Variants in NAALADL2 observed in about 807,000 individuals in gnomAD.
NAALADL2 encodes the protein N-acetylated alpha-linked acidic dipeptidase like 2.
Under a neutral mutation model 87.2 loss-of-function variants are expected in NAALADL2, and 76 were observed. The ratio of observed to expected loss-of-function variants is 0.87; its 90% CI spans 0.72 to 1.05. NAALADL2 has a LOEUF of 1.05. Ranked by LOEUF, NAALADL2 falls within the 50% of genes least tolerant of loss-of-function variation. The probability of loss-of-function intolerance (pLI) is 0.00; values close to 1 mark genes in which losing one functional copy is unlikely to be tolerated. For missense variants in NAALADL2, 1,089 were observed against 945.8 expected (o/e 1.15, Z -1.99); for synonymous variants, 354 against 331.0 (o/e 1.07, Z -0.75).
chr3:175,272,865 C>A (rs1414372452), intron 4 of NAALADL2, among the ~76,000 whole-genome samples: 3 of 151,840 alleles, frequency 2.0e-5, no homozygotes, highest in Non-Finnish European at 4.4e-5. Context: ...TAAGTATAAC[C>A]TTTTCTAATA....
At chr3:175,588,534 CTT>C (rs1168817019) in intron 10 of NAALADL2, among the ~76,000 whole-genome samples, 2,450 of 78,044 alleles carry the variant, frequency 0.031, 55 homozygotes, top group African/African-American at 0.12. Context: ...TCTTTCTTTT[CTT>C]TTTTTTTTTT....
At chr3:175,210,929 T>A (rs1013858224) in intron 2 of NAALADL2, among the ~76,000 whole-genome samples, 11 of 151,838 alleles carry the variant, frequency 7.2e-5, no homozygotes, top group Admixed American at 1.3e-4. Context: ...TAATTGACAT[T>A]TTTCATACTT....
intron 1 of NAALADL2, among the ~76,000 whole-genome samples, chr3:174,996,813 A>C (rs1747526408): frequency 6.6e-6 from 1 of 151,992 alleles, no homozygotes; most frequent in African/African-American, 2.4e-5. Context: ...CCAAGTCCCC[A>C]AAGTTTATTA....
chr3:174,534,748 C>T (rs968676254), intron 1 of NAALADL2, among the ~76,000 whole-genome samples: 5 of 152,096 alleles, frequency 3.3e-5, no homozygotes, highest in African/African-American at 1.2e-4. Context: ...TAAACCTGTG[C>T]ATACAGTCAC....
intron 2 of NAALADL2, among the ~76,000 whole-genome samples, chr3:174,647,775 T>A (rs1269875752): frequency 1.3e-5 from 2 of 152,210 alleles, no homozygotes; most frequent in Admixed American, 1.3e-4. Context: ...CTTGATTGAC[T>A]GTTTCTTCTT....
intron 3 of NAALADL2, among the ~76,000 whole-genome samples, chr3:174,823,712 G>A (rs6809335): frequency 0.99 from 151,324 of 152,300 alleles, 75,177 homozygotes; most frequent in East Asian, 1. Flanking sequence ...ATATTAGTTT[G>A]GAATCTGCTT....
At chr3:175,549,419 T>G (rs898102201) in intron 9 of NAALADL2, among the ~76,000 whole-genome samples, 3 of 151,992 alleles carry the variant, frequency 2.0e-5, no homozygotes, top group African/African-American at 7.2e-5. Flanking sequence ...AAATACTCTA[T>G]TATTTTGGTC....
At chr3:174,727,095 T>C (rs1166252411) in intron 2 of NAALADL2, among the ~76,000 whole-genome samples, 1 of 152,102 alleles carries the variant, frequency 6.6e-6, no homozygotes, top group Non-Finnish European at 1.5e-5. Context: ...TCTTAATTTT[T>C]ATTTGAATAT....
intron 2 of NAALADL2, among the ~76,000 whole-genome samples, chr3:175,105,444 A>C (rs1369149519): frequency 6.6e-6 from 1 of 151,612 alleles, no homozygotes; most frequent in Non-Finnish European, 1.5e-5. Context: ...TTGAAATTTT[A>C]ATCATACATA....
At chr3:174,950,769 A>G (rs1031871997) in intron 1 of NAALADL2, among the ~76,000 whole-genome samples, 2 of 152,190 alleles carry the variant, frequency 1.3e-5, no homozygotes, top group Non-Finnish European at 2.9e-5. Flanking sequence ...ACTTAGCATC[A>G]TAAAAGTAGC....
intron 1 of NAALADL2, among the ~76,000 whole-genome samples, chr3:174,452,861 A>C (rs1269544837): frequency 6.6e-6 from 1 of 152,180 alleles, no homozygotes; most frequent in African/African-American, 2.4e-5. Context: ...CCTACAACTC[A>C]AAAAGCTAGA....
intron 5 of NAALADL2, among the ~76,000 whole-genome samples, chr3:175,437,810 A>G (rs568160468): frequency 6.6e-5 from 10 of 152,272 alleles, no homozygotes; most frequent in African/African-American, 1.7e-4. Flanking sequence ...CATAATCTAT[A>G]TATTCTTTTA....
At chr3:175,638,088 AT>A (rs1256263773) in intron 11 of NAALADL2, among the ~76,000 whole-genome samples, 1 of 152,244 alleles carries the variant, frequency 6.6e-6, no homozygotes, top group Non-Finnish European at 1.5e-5. Flanking sequence ...GTTTTGTAAA[AT>A]AGATGAATGA....
At chr3:175,764,764 T>C (rs1001748083) in intron 13 of NAALADL2, among the ~76,000 whole-genome samples, 15 of 152,128 alleles carry the variant, frequency 9.9e-5, no homozygotes, top group Non-Finnish European at 1.8e-4. Flanking sequence ...TCAGGTATTA[T>C]ATGATCAGTT....
intron 2 of NAALADL2, among the ~76,000 whole-genome samples, chr3:175,138,996 A>G (rs1465261533): frequency 6.7e-6 from 1 of 148,286 alleles, no homozygotes; most frequent in Non-Finnish European, 1.5e-5. Context: ...TGCAAAAATT[A>G]TGTATTTTAA....
intron 5 of NAALADL2, among the ~76,000 whole-genome samples, chr3:175,366,815 T>C: frequency 6.6e-6 from 1 of 151,890 alleles, no homozygotes; most frequent in South Asian, 2.1e-4. Context: ...AGGTTGCCTG[T>C]TCACTCTGTT....
intron 3 of NAALADL2, among the ~76,000 whole-genome samples, chr3:174,746,427 G>T (rs1225513826): frequency 6.6e-6 from 1 of 152,032 alleles, no homozygotes; most frequent in Non-Finnish European, 1.5e-5. Context: ...AAGGAATTAA[G>T]AGAGAACACA....
At chr3:175,627,268 GT>G (rs1727116330) in intron 10 of NAALADL2, 22 bp from the exon 11 acceptor site, 2 of 1,518,572 alleles carry the variant, frequency 1.3e-6, no homozygotes, top group Non-Finnish European at 1.8e-6. Context: ...AGTTTTAAAT[GT>G]TTCTTTTTTG....
chr3:174,625,055 C>T (rs1466378612), intron 2 of NAALADL2, among the ~76,000 whole-genome samples: 7 of 56,442 alleles, frequency 1.2e-4, no homozygotes, highest in Middle Eastern at 7.4e-3. Context: ...CTCTCTCTCT[C>T]TCTTTTTTTT....
Sources: allele counts gnomAD v4.1 joint callset (sites outside exome capture counted in the v4.1 genomes callset), GRCh38; gene constraint gnomAD v4.1.1; transcripts MANE v1.5; gene names NCBI Gene and HGNC (gene_info 2026-07-23, HGNC 2026-07-21).